MYZAP: variants seen among roughly 807,000 people sequenced by gnomAD.
MYZAP encodes GRINL1A complex locus upstream.
Under a neutral mutation model 69.4 loss-of-function variants are expected in MYZAP, and 66 were observed. The ratio of observed to expected loss-of-function variants is 0.95; its 90% CI spans 0.78 to 1.17. The LOEUF (loss-of-function observed/expected upper bound fraction) is 1.17. MYZAP is among the 50% of genes most tolerant of loss of function. The probability of loss-of-function intolerance (pLI) is 0.00; values close to 1 mark genes in which losing one functional copy is unlikely to be tolerated. For synonymous variants in MYZAP, 256 were observed against 205.9 expected (o/e 1.24, Z -2.09); for missense variants, 611 against 556.2 (o/e 1.10, Z -0.99).
At chr15:57,656,309 A>G (rs1319627112) in intron 10 of MYZAP, among the ~76,000 whole-genome samples, 2 of 152,178 alleles carry the variant, frequency 1.3e-5, no homozygotes, top group Non-Finnish European at 2.9e-5. Context: ...TTCATTTGTT[A>G]TCTGAGAATA....
chr15:57,637,576 GT>G, intron 8 of MYZAP, 118 bp from the exon 9 acceptor site: 1 of 1,040,366 alleles, frequency 9.6e-7, no homozygotes, highest in Admixed American at 2.4e-5. Context: ...CTGAGCAGGT[GT>G]GTAAAACCCA....
At chr15:57,609,510 C>A (rs553675929) in intron 2 of MYZAP, among the ~76,000 whole-genome samples, 105 of 152,296 alleles carry the variant, frequency 6.9e-4, no homozygotes, top group African/African-American at 2.4e-3. Context: ...TTTATAGGGA[C>A]ACCAATAGGG....
intron 5 of MYZAP, among the ~76,000 whole-genome samples, chr15:57,629,207 G>T (rs766359050): frequency 7.3e-5 from 11 of 151,298 alleles, no homozygotes; most frequent in Non-Finnish European, 1.3e-4. Flanking sequence ...AAATAAATAA[G>T]AAAATAGATA....
At chr15:57,637,412 G>C (rs894772068) in intron 8 of MYZAP, among the ~76,000 whole-genome samples, 1 of 152,150 alleles carries the variant, frequency 6.6e-6, no homozygotes, top group Non-Finnish European at 1.5e-5. Context: ...ATCAGTATTT[G>C]GGGCTATAAA....
chr15:57,648,894 C>T (rs1348369359), intron 10 of MYZAP, among the ~76,000 whole-genome samples: 1 of 150,972 alleles, frequency 6.6e-6, no homozygotes, highest in Admixed American at 6.6e-5. Flanking sequence ...CTCTTCTTCT[C>T]AGAGGCAGTT....
intron 10 of MYZAP, among the ~76,000 whole-genome samples, chr15:57,644,627 T>G (rs1233651809): frequency 6.6e-6 from 1 of 152,006 alleles, no homozygotes; most frequent in Non-Finnish European, 1.5e-5. Flanking sequence ...GTATTACTGT[T>G]ATTATTATTA....
At chr15:57,619,282 A>G (rs2035666417) in intron 3 of MYZAP, among the ~76,000 whole-genome samples, 2 of 152,356 alleles carry the variant, frequency 1.3e-5, no homozygotes, top group South Asian at 2.1e-4. Flanking sequence ...ACGCATATAC[A>G]TAATGTATAT....
chr15:57,660,812 A>G (rs192566263), intron 10 of MYZAP, among the ~76,000 whole-genome samples: 14 of 151,612 alleles, frequency 9.2e-5, no homozygotes, highest in Non-Finnish European at 1.6e-4. Context: ...ATTGGAAAAC[A>G]AAGAGTAGTC....
chr15:57,596,482 C>G (rs1243703266), intron 1 of MYZAP, among the ~76,000 whole-genome samples: 1 of 152,210 alleles, frequency 6.6e-6, no homozygotes, highest in African/African-American at 2.4e-5. Context: ...TTCTCCAGCA[C>G]ACAGAAGAGC....
chr15:57,620,245 C>G (rs1342268858), intron 3 of MYZAP, among the ~76,000 whole-genome samples: 1 of 152,312 alleles, frequency 6.6e-6, no homozygotes, highest in South Asian at 2.1e-4. Flanking sequence ...TCCCTTCCCC[C>G]AAATCTCCAC....
intron 2 of MYZAP, among the ~76,000 whole-genome samples, chr15:57,610,318 CT>C (rs1237352559): frequency 6.6e-6 from 1 of 152,236 alleles, no homozygotes; most frequent in Non-Finnish European, 1.5e-5. Flanking sequence ...TTATAGTCCT[CT>C]TTCCTTTAAA....
intron 3 of MYZAP, among the ~76,000 whole-genome samples, chr15:57,619,324 C>T (rs1173332467): frequency 6.6e-6 from 1 of 152,086 alleles, no homozygotes; most frequent in Non-Finnish European, 1.5e-5. Flanking sequence ...CCTAGTTATC[C>T]CACCTTTCAA....
At chr15:57,670,510 T>G (rs1440659198) in intron 11 of MYZAP, among the ~76,000 whole-genome samples, 2 of 152,094 alleles carry the variant, frequency 1.3e-5, no homozygotes, top group African/African-American at 4.8e-5. Context: ...TAGAAAATAG[T>G]TGGGACTTGC....
intron 12 of MYZAP, among the ~76,000 whole-genome samples, chr15:57,681,416 G>A (rs1465364934): frequency 2.0e-5 from 3 of 152,226 alleles, no homozygotes; most frequent in African/African-American, 7.2e-5. Flanking sequence ...TGGAGATGAC[G>A]GAGATGTGGC....
At chr15:57,619,202 C>T (rs1276033900) in intron 3 of MYZAP, among the ~76,000 whole-genome samples, 1 of 152,012 alleles carries the variant, frequency 6.6e-6, no homozygotes, top group African/African-American at 2.4e-5. Flanking sequence ...TTAAAAGGAA[C>T]ATTTCTTGTT....
intron 4 of MYZAP, among the ~76,000 whole-genome samples, chr15:57,624,002 C>T (rs1446752412): frequency 6.6e-6 from 1 of 152,210 alleles, no homozygotes; most frequent in Middle Eastern, 3.4e-3. Flanking sequence ...CAGAAAGTAA[C>T]TAACAACTGT....
At chr15:57,606,763 A>G (rs545209794) in intron 2 of MYZAP, among the ~76,000 whole-genome samples, 1 of 152,364 alleles carries the variant, frequency 6.6e-6, no homozygotes, top group Admixed American at 6.5e-5. Flanking sequence ...TACTGGGATG[A>G]CTATACAATT....
At chr15:57,622,191 A>C (rs889995689) in intron 4 of MYZAP, among the ~76,000 whole-genome samples, 2 of 152,110 alleles carry the variant, frequency 1.3e-5, no homozygotes, top group African/African-American at 2.4e-5. Flanking sequence ...AGAGGATATA[A>C]AATTAATATA....
chr15:57,598,727 C>T (rs911267738), intron 1 of MYZAP, among the ~76,000 whole-genome samples: 7 of 152,176 alleles, frequency 4.6e-5, no homozygotes, highest in Non-Finnish European at 1.0e-4. Flanking sequence ...ATAGTTCAGC[C>T]CCTATCTGTT....
Sources: allele counts gnomAD v4.1 joint callset (sites outside exome capture counted in the v4.1 genomes callset), GRCh38; gene constraint gnomAD v4.1.1; transcripts MANE v1.5; gene names NCBI Gene and HGNC (gene_info 2026-07-23, HGNC 2026-07-21).